Variants in SLC38A9 observed in about 807,000 individuals in gnomAD.
The protein encoded by SLC38A9 is neutral amino acid transporter 9.
Under a neutral mutation model 62.3 loss-of-function variants are expected in SLC38A9, and 48 were observed. The observed-to-expected ratio is 0.77, with a 90% CI of 0.61 to 0.98. The LOEUF (loss-of-function observed/expected upper bound fraction) is 0.98, where lower values mean the gene tolerates loss of function less well. Ranked by LOEUF, SLC38A9 falls within the 50% of genes least tolerant of loss-of-function variation. The pLI, the probability that SLC38A9 is intolerant of heterozygous loss-of-function variation, is 0.00. For synonymous variants in SLC38A9, 204 were observed against 227.7 expected, an observed-to-expected ratio of 0.90 and a Z score of 0.94; for missense variants, 541 against 679.8, an observed-to-expected ratio of 0.80 and a Z score of 2.27.
chr5:55,636,212 C>G (rs746235492), intron 12 of SLC38A9, among the ~76,000 whole-genome samples: 5 of 152,166 alleles, frequency 3.3e-5, no homozygotes, highest in African/African-American at 4.8e-5. Context: ...CTTAATAAAT[C>G]TAAACAGTAA....
At chr5:55,639,039 C>T (rs1256105842) in intron 12 of SLC38A9, among the ~76,000 whole-genome samples, 1 of 151,980 alleles carries the variant, frequency 6.6e-6, no homozygotes, top group Non-Finnish European at 1.5e-5. Context: ...AAATGATGGC[C>T]AGGCGCGGTG....
At chr5:55,695,066 A>G (rs1170433842) in intron 3 of SLC38A9, among the ~76,000 whole-genome samples, 1 of 152,134 alleles carries the variant, frequency 6.6e-6, no homozygotes. Flanking sequence ...GAGCTCTTGC[A>G]GTAAATACAA....
chr5:55,672,683 T>C lies in SLC38A9; in HGVS notation c.126A>G (p.Ile42Met). Residue 42 changes from isoleucine (I) to methionine (M), a missense_variant, in exon 4 of 16, where the codon ATA becomes ATG. By Grantham distance (10) the Ile-to-Met change is conservative (BLOSUM62 1). Coordinates refer to ENST00000396865, the MANE Select transcript of SLC38A9 (RefSeq NM_173514.4). ...TCACATTCACGATGTTTGTGGGCTC[T>C]ATACAGAAAGGCCTACAAAGGGAAT... The part of the protein sequence containing the change: ...SDLRSKRPFC[I>M]EPTNIVNVNH... 1 of 1,613,810 alleles carries C rather than the reference T, an allele frequency of 6.2e-7. No individual in the cohort carries two copies. Among genetic ancestry groups the C allele is most frequent in the South Asian group, 1.1e-5 (1 of 90,996 alleles).
chr5:55,646,463 T>C (rs1322430018), intron 11 of SLC38A9, among the ~76,000 whole-genome samples: 2 of 152,188 alleles, frequency 1.3e-5, no homozygotes, highest in African/African-American at 4.8e-5. Flanking sequence ...GATTCAAATT[T>C]AGGGTCTGTC....
intron 9 of SLC38A9, among the ~76,000 whole-genome samples, chr5:55,656,152 G>T (rs1748386607): frequency 6.6e-6 from 1 of 151,396 alleles, no homozygotes; most frequent in African/African-American, 2.4e-5. Context: ...ATTGTGAATT[G>T]TATAATATGA....
intron 1 of SLC38A9, among the ~76,000 whole-genome samples, chr5:55,711,787 G>A (rs992575321): frequency 6.6e-6 from 1 of 152,100 alleles, no homozygotes; most frequent in East Asian, 1.9e-4. Flanking sequence ...CCCAAGCGAC[G>A]GAGCAAGACC....
chr5:55,672,993 C>T (rs1374047), intron 3 of SLC38A9, among the ~76,000 whole-genome samples: 91,238 of 151,960 alleles, frequency 0.6, 27,957 homozygotes, highest in South Asian at 0.7. Flanking sequence ...AAAAGAAATA[C>T]AGCAGCTATC....
At chr5:55,688,529 G>A (rs919271584) in intron 3 of SLC38A9, among the ~76,000 whole-genome samples, 8 of 151,786 alleles carry the variant, frequency 5.3e-5, no homozygotes, top group Admixed American at 6.6e-5. Flanking sequence ...ACAGGTGCCC[G>A]CCACCATGCC....
chr5:55,659,835 C>G (rs1340906645), intron 8 of SLC38A9, among the ~76,000 whole-genome samples: 1 of 151,658 alleles, frequency 6.6e-6, no homozygotes, highest in African/African-American at 2.4e-5. Flanking sequence ...GCACGGTCTC[C>G]GCTCACTGCA....
chr5:55,655,891 A>T (rs950136457), intron 9 of SLC38A9, among the ~76,000 whole-genome samples: 33 of 152,284 alleles, frequency 2.2e-4, no homozygotes, highest in African/African-American at 7.5e-4. Flanking sequence ...TTTCCCTGTA[A>T]CGGCCATACT....
intron 8 of SLC38A9, among the ~76,000 whole-genome samples, chr5:55,657,225 A>G (rs979772447): frequency 6.6e-6 from 1 of 152,160 alleles, no homozygotes; most frequent in Non-Finnish European, 1.5e-5. Flanking sequence ...TTCACCTTCT[A>G]TAGTTTTCTT....
intron 12 of SLC38A9, among the ~76,000 whole-genome samples, chr5:55,637,296 A>G (rs1191426457): frequency 1.3e-5 from 2 of 152,214 alleles, no homozygotes; most frequent in Non-Finnish European, 2.9e-5. Context: ...GGGAAATCTG[A>G]TTAAGATGCA....
chr5:55,685,726 C>A (rs1255187760), intron 3 of SLC38A9, among the ~76,000 whole-genome samples: 1 of 152,022 alleles, frequency 6.6e-6, no homozygotes, highest in Non-Finnish European at 1.5e-5. Context: ...TATTTCATCA[C>A]CCAGGCATTA....
chr5:55,672,663 T>C lies in SLC38A9; in HGVS notation c.146A>G (p.Asn49Ser), dbSNP rs201140347. 1.2e-6 allele frequency: 2 copies of C among 1,614,122 alleles called. No individual in the cohort carries two copies. Among genetic ancestry groups the C allele is most frequent in the East Asian group, 4.5e-5 (2 of 44,882 alleles). The change falls in exon 4 of 16, where the codon AAT becomes AGT. Residue 49 changes from asparagine to serine, a missense_variant. Transcript: ENST00000396865. ...AACCCTCTGAATGACATGATTCACA[T>C]TCACGATGTTTGTGGGCTCTATACA... ...PFCIEPTNIV[N>S]VNHVIQRVSD...
intron 8 of SLC38A9, among the ~76,000 whole-genome samples, chr5:55,659,969 T>A (rs1264552303): frequency 6.6e-6 from 1 of 150,878 alleles, no homozygotes; most frequent in Admixed American, 6.6e-5. Context: ...GGTTTCACCG[T>A]GTTCGCCAAG....
chr5:55,706,651 T>C (rs1435901574), intron 2 of SLC38A9, among the ~76,000 whole-genome samples: 1 of 152,196 alleles, frequency 6.6e-6, no homozygotes, highest in Non-Finnish European at 1.5e-5. Flanking sequence ...AAATCATAAA[T>C]GAGGAGTTCA....
intron 12 of SLC38A9, among the ~76,000 whole-genome samples, chr5:55,638,455 A>G (rs1275115581): frequency 6.6e-6 from 1 of 152,242 alleles, no homozygotes; most frequent in Non-Finnish European, 1.5e-5. Context: ...ATACATTAAT[A>G]AGGTAACTGA....
At chr5:55,649,372 T>A in intron 10 of SLC38A9, 58 bp from the exon 11 acceptor site, 1 of 1,098,154 alleles carries the variant, frequency 9.1e-7, no homozygotes, top group Non-Finnish European at 1.3e-6. Context: ...CAGATTATTT[T>A]AAAATCAAGC....
At chr5:55,675,609 C>T (rs1751984826) in intron 3 of SLC38A9, among the ~76,000 whole-genome samples, 1 of 152,074 alleles carries the variant, frequency 6.6e-6, no homozygotes, top group South Asian at 2.1e-4. Context: ...ATCAATGTTA[C>T]TTCTCATTTG....
Sources: gnomAD v4.1 joint callset for allele counts (sites outside exome capture counted in the v4.1 genomes callset) on GRCh38, gnomAD v4.1.1 for gene constraint, MANE v1.5 for transcripts, NCBI Gene and HGNC (gene_info 2026-07-23, HGNC 2026-07-21) for gene names.